Variants in SAYSD1 observed in about 807,000 individuals in gnomAD.
SAYSD1 encodes the protein SAYSVFN motif domain containing 1, also known as SAYSvFN domain-containing protein 1.
SAYSD1 carries 15 observed loss-of-function variants against 14.5 expected under a neutral mutation model. The observed-to-expected ratio is 1.03, with a 90% CI of 0.69 to 1.59. SAYSD1 has a LOEUF of 1.59. SAYSD1 is among the 40% of genes most tolerant of loss of function. The probability of loss-of-function intolerance (pLI) is 0.00; values close to 1 mark genes in which losing one functional copy is unlikely to be tolerated. For missense variants in SAYSD1, 247 were observed against 227.3 expected (o/e 1.09, Z -0.56); for synonymous variants, 105 against 102.6 (o/e 1.02, Z -0.14).
Position 39,104,335 on chromosome 6 carries a change from A to G in SAYSD1, c.*1097T>C, listed in dbSNP as rs1769451810. 1 of 152,020 alleles carries G rather than the reference A, an allele frequency of 6.6e-6. No individual in the cohort carries two copies. Among genetic ancestry groups the G allele is most frequent in the African/African-American group, 2.4e-5 (1 of 41,298 alleles). 9.4% of individuals were successfully genotyped at this position (152,020 alleles called of 1,614,324 possible). A position where few individuals can be genotyped will look rare whatever the true frequency, so the allele number is the denominator to read the frequency against. On this transcript the variant is annotated 3_prime_UTR_variant, in exon 2 of 2. Coordinates refer to ENST00000229903, the MANE Select transcript of SAYSD1 (RefSeq NM_018322.3). The stretch of plus-strand genomic sequence containing the variant: ...ATGGAATGAGAGAAGCCCTAACCCA[A>G]TGGGAGTTTGCCTAATTTTAATGAA...
intron 1 of SAYSD1, chr6:39,113,543 A>T (rs1433882199): frequency 6.6e-6 from 1 of 152,664 alleles, no homozygotes; most frequent in Non-Finnish European, 1.5e-5. Flanking sequence ...AATTAACAAG[A>T]AACTGGAGGT....
At chr6:39,106,179 A>G (rs1387830837) in intron 1 of SAYSD1, among the ~76,000 whole-genome samples, 2 of 152,186 alleles carry the variant, frequency 1.3e-5, no homozygotes, top group Non-Finnish European at 2.9e-5. Flanking sequence ...TAGATGACCT[A>G]AAATATTACA....
chr6:39,107,124 T>C (rs142752997), intron 1 of SAYSD1, among the ~76,000 whole-genome samples: 25 of 152,374 alleles, frequency 1.6e-4, no homozygotes, highest in Admixed American at 3.3e-4. Flanking sequence ...GGAAATTCCA[T>C]GACAACACGA....
intron 1 of SAYSD1, chr6:39,109,546 T>C: frequency 1.4e-6 from 2 of 1,438,794 alleles, no homozygotes; most frequent in Non-Finnish European, 1.8e-6. Flanking sequence ...TTGCTCCAAA[T>C]GACATGGTTT....
chr6:39,114,268 C>T lies in SAYSD1; in HGVS notation c.207+615G>A, dbSNP rs568927392. ...AATTCATCTGCAAAACAAGAGATTA[C>T]CAAAACAATTAAATGTGAAAAGGTT... On this transcript the variant is annotated intron_variant, in intron 1 of 1. Transcript: ENST00000229903. Among the ~76,000 whole-genome samples the T allele has an allele frequency of 2.6e-5, 4 of 152,310 alleles. No individual in the cohort carries two copies. The South Asian group carries it at 8.3e-4, about 32-fold the overall frequency.
intron 1 of SAYSD1, chr6:39,112,675 G>A (rs1388747883): frequency 6.6e-6 from 1 of 152,194 alleles, no homozygotes; most frequent in Non-Finnish European, 1.5e-5. Context: ...TGGAAAGTGG[G>A]ACTACGTAGA....
At chr6:39,106,614 C>G (rs1477961506) in intron 1 of SAYSD1, among the ~76,000 whole-genome samples, 2 of 152,192 alleles carry the variant, frequency 1.3e-5, no homozygotes, top group African/African-American at 2.4e-5. Flanking sequence ...CATTGTCACT[C>G]ACCCAAGGCC....
intron 1 of SAYSD1, among the ~76,000 whole-genome samples, chr6:39,114,455 C>T (rs1769693249): frequency 6.6e-6 from 1 of 152,226 alleles, no homozygotes; most frequent in Non-Finnish European, 1.5e-5. Context: ...GCTGCATGTG[C>T]CCCAGGTGCG....
intron 1 of SAYSD1, among the ~76,000 whole-genome samples, chr6:39,108,713 C>T (rs921016600): frequency 8.5e-5 from 13 of 152,212 alleles, no homozygotes; most frequent in South Asian, 2.1e-4. Flanking sequence ...CTACTACAAA[C>T]GGCAAAAATG....
At chr6:39,110,986 G>A (rs935237065) in intron 1 of SAYSD1, 2 of 152,008 alleles carry the variant, frequency 1.3e-5, no homozygotes, top group African/African-American at 2.4e-5. Flanking sequence ...GAAAACAGGA[G>A]GAGCAAGTGC....
At chr6:39,107,009 T>G (rs1409881848) in intron 1 of SAYSD1, among the ~76,000 whole-genome samples, 6 of 152,248 alleles carry the variant, frequency 3.9e-5, no homozygotes, top group Non-Finnish European at 8.8e-5. Flanking sequence ...TTACCCTCCC[T>G]GAGACATTCT....
At chr6:39,109,939 T>C (rs960498846) in intron 1 of SAYSD1, among the ~76,000 whole-genome samples, 7 of 152,194 alleles carry the variant, frequency 4.6e-5, no homozygotes, top group African/African-American at 1.2e-4. Context: ...GAGTATTCCA[T>C]TTGTGTATAT....
intron 1 of SAYSD1, among the ~76,000 whole-genome samples, chr6:39,110,141 T>C (rs1274922845): frequency 6.6e-6 from 1 of 152,150 alleles, no homozygotes. Flanking sequence ...TTTCAGTATA[T>C]GTGCACAGCT....
At chr6:39,106,814 C>T (rs900539332) in intron 1 of SAYSD1, among the ~76,000 whole-genome samples, 2 of 152,208 alleles carry the variant, frequency 1.3e-5, no homozygotes, top group Non-Finnish European at 2.9e-5. Flanking sequence ...TCAATTTGTT[C>T]AACAGATTGA....
chr6:39,110,865 G>A (rs953612863), intron 1 of SAYSD1: 1 of 151,864 alleles, frequency 6.6e-6, no homozygotes, highest in African/African-American at 2.4e-5. Flanking sequence ...GCTATTTCTG[G>A]TGGTCTGACA....
chr6:39,114,858 A>T, intron 1 of SAYSD1, 25 bp downstream of exon 1: 3 of 1,606,050 alleles, frequency 1.9e-6, no homozygotes, highest in Non-Finnish European at 2.6e-6. Flanking sequence ...GCCAGGTCCT[A>T]GGGCCGAAGT....
At chr6:39,109,870 C>T (rs1250428633) in intron 1 of SAYSD1, among the ~76,000 whole-genome samples, 1 of 152,094 alleles carries the variant, frequency 6.6e-6, no homozygotes, top group African/African-American at 2.4e-5. Flanking sequence ...CCATGATGTC[C>T]TCTAGGTTCA....
At chr6:39,109,023 A>G (rs1769571124) in intron 1 of SAYSD1, among the ~76,000 whole-genome samples, 1 of 152,238 alleles carries the variant, frequency 6.6e-6, no homozygotes, top group Admixed American at 6.5e-5. Flanking sequence ...AAGCTGGAAC[A>G]CAGCGGGCAC....
chr6:39,113,353 G>A (rs1350790544), intron 1 of SAYSD1: 2 of 152,300 alleles, frequency 1.3e-5, no homozygotes, highest in Admixed American at 6.6e-5. Context: ...TCTCTGACAG[G>A]CCACAGTGTG....
Sources: allele counts gnomAD v4.1 joint callset (sites outside exome capture counted in the v4.1 genomes callset), GRCh38; gene constraint gnomAD v4.1.1; transcripts MANE v1.5; gene names NCBI Gene and HGNC (gene_info 2026-07-23, HGNC 2026-07-21).